Variants in GABRA4 observed in about 807,000 individuals in gnomAD.
GABRA4 encodes the protein gamma-aminobutyric acid type A receptor subunit alpha4.
GABRA4 carries 12 observed loss-of-function variants against 49.7 expected under a neutral mutation model. The ratio of observed to expected loss-of-function variants is 0.24; its 90% CI spans 0.15 to 0.39. GABRA4 has a LOEUF of 0.39. Ranked by LOEUF, GABRA4 falls within the 10% of genes least tolerant of loss-of-function variation. The probability of loss-of-function intolerance (pLI) is 1.00; values close to 1 mark genes in which losing one functional copy is unlikely to be tolerated. For missense variants in GABRA4, 506 were observed against 686.0 expected (o/e 0.74, Z 2.93); for synonymous variants, 288 against 240.2 (o/e 1.20, Z -1.84).
intron 8 of GABRA4, among the ~76,000 whole-genome samples, chr4:46,963,834 C>A (rs560859029): frequency 6.6e-6 from 1 of 151,806 alleles, no homozygotes; most frequent in African/African-American, 2.4e-5. Context: ...AGTACAACCA[C>A]TATGGAGAAC....
rs1433186292 is a variant in GABRA4, at chr4:46,927,194, G to A, written c.*1031C>T. 6.6e-6 allele frequency: 1 copy of A among 152,240 alleles called. No individual in the cohort carries two copies. The highest frequency in any genetic ancestry group is 2.4e-5 in the African/African-American group (1 of 41,386). 9.4% of individuals were successfully genotyped at this position (152,240 alleles called of 1,614,324 possible). A position where few individuals can be genotyped will look rare whatever the true frequency, so the allele number is the denominator to read the frequency against. On this transcript the variant is annotated 3_prime_UTR_variant, in exon 9 of 9. Transcript: ENST00000264318. ...TGATTTTTACTTTCAAGTACATAAT[G>A]CTTTTCACTTATAGAACAATCTGTA...
At chr4:46,975,662 G>A (rs1723116315) in intron 5 of GABRA4, among the ~76,000 whole-genome samples, 1 of 151,844 alleles carries the variant, frequency 6.6e-6, no homozygotes, top group Non-Finnish European at 1.5e-5. Context: ...TACAAACCCT[G>A]ATTGAACACG....
chr4:46,948,186 A>G (rs1212990124), intron 8 of GABRA4, among the ~76,000 whole-genome samples: 2 of 152,104 alleles, frequency 1.3e-5, no homozygotes, highest in Admixed American at 6.6e-5. Flanking sequence ...AACCTGGTAG[A>G]CCTAGACTTT....
At chr4:46,947,224 G>A (rs758659886) in intron 8 of GABRA4, among the ~76,000 whole-genome samples, 8 of 151,752 alleles carry the variant, frequency 5.3e-5, no homozygotes, top group East Asian at 3.9e-4. Flanking sequence ...GATAATGTTC[G>A]CTGTGAACTG....
At chr4:46,934,637 T>G (rs1418488126) in intron 8 of GABRA4, among the ~76,000 whole-genome samples, 1 of 152,214 alleles carries the variant, frequency 6.6e-6, no homozygotes, top group African/African-American at 2.4e-5. Flanking sequence ...CCATTTGGGA[T>G]TACCAGAAAA....
rs1721041775 is a variant in GABRA4, at chr4:46,921,685, G to A, written c.*6540C>T. The A allele has an allele frequency of 1.3e-5, 2 of 151,866 alleles. No homozygotes were observed. The highest frequency in any genetic ancestry group is 2.4e-5 in the African/African-American group (1 of 41,344). The allele number at this position is 151,866 out of a possible 1,614,324, so 9.4% of individuals were successfully genotyped here. ...ACTCTGGTCAATCCCTGGTCTATTG[G>A]AAGTGCAAATAACATATGGTGACTC... On this transcript the variant is annotated 3_prime_UTR_variant, in exon 9 of 9. Coordinates refer to ENST00000264318, the MANE Select transcript of GABRA4 (RefSeq NM_000809.4).
At chr4:46,974,097 C>T (rs1234350547) in intron 6 of GABRA4, 135 bp downstream of exon 6, 3 of 715,100 alleles carry the variant, frequency 4.2e-6, no homozygotes, top group African/African-American at 1.8e-5. Context: ...TGAGCTATAA[C>T]TCATGCATCA....
chr4:46,984,303 A>G (rs1723461488), intron 2 of GABRA4, among the ~76,000 whole-genome samples: 1 of 152,086 alleles, frequency 6.6e-6, no homozygotes, highest in African/African-American at 2.4e-5. Flanking sequence ...CATATCTCCA[A>G]AAATGAAGAC....
At chr4:46,975,488 T>C (rs1723107635) in intron 5 of GABRA4, among the ~76,000 whole-genome samples, 1 of 151,996 alleles carries the variant, frequency 6.6e-6, no homozygotes. Context: ...TCCTGGTTTT[T>C]CTAATTCCTC....
In GABRA4 at chr4:46,920,073, T is replaced by A. The variant is rs566154516; in HGVS notation, c.*8152A>T. On this transcript the variant is annotated 3_prime_UTR_variant, in exon 9 of 9. Coordinates refer to ENST00000264318, the MANE Select transcript of GABRA4 (RefSeq NM_000809.4). Reference sequence around the variant, plus strand: ...AACATGCTGCACTGTGTTAGCAACATCTGTAAAGACAAAATGTAGACTATA... The same window carrying A: ...AACATGCTGCACTGTGTTAGCAACAACTGTAAAGACAAAATGTAGACTATA... 2.0e-5 allele frequency: 3 copies of A among 151,698 alleles called. No individual in the cohort carries two copies. The East Asian group carries it at 5.8e-4, about 29-fold the overall frequency. The allele number at this position is 151,698 out of a possible 1,614,324, so 9.4% of individuals were successfully genotyped here.
intron 8 of GABRA4, among the ~76,000 whole-genome samples, chr4:46,944,596 T>G (rs1381607629): frequency 1.3e-5 from 2 of 152,154 alleles, no homozygotes; most frequent in Non-Finnish European, 2.9e-5. Context: ...TCTAGAAATG[T>G]GAGCCATTTT....
intron 8 of GABRA4, among the ~76,000 whole-genome samples, chr4:46,937,622 A>G (rs1305192519): frequency 6.6e-6 from 1 of 152,194 alleles, no homozygotes; most frequent in African/African-American, 2.4e-5. Context: ...GACAAGAATT[A>G]AGCATTAATT....
intron 5 of GABRA4, among the ~76,000 whole-genome samples, chr4:46,975,146 A>G (rs1470993340): frequency 6.6e-6 from 1 of 151,982 alleles, no homozygotes; most frequent in Non-Finnish European, 1.5e-5. Flanking sequence ...CTTGGCTCAC[A>G]CACAAGTAAG....
At chr4:46,948,867 T>C (rs189703394) in intron 8 of GABRA4, among the ~76,000 whole-genome samples, 1 of 152,250 alleles carries the variant, frequency 6.6e-6, no homozygotes, top group Non-Finnish European at 1.5e-5. Context: ...ATTTCACCTC[T>C]CACCTTCATA....
At chr4:46,940,352 T>C (rs376032054) in intron 8 of GABRA4, among the ~76,000 whole-genome samples, 2 of 152,092 alleles carry the variant, frequency 1.3e-5, no homozygotes, top group African/African-American at 4.8e-5. Flanking sequence ...CTCTATCTCT[T>C]GTTTCTGATT....
At chr4:46,960,256 C>T (rs1722525269) in intron 8 of GABRA4, among the ~76,000 whole-genome samples, 1 of 151,496 alleles carries the variant, frequency 6.6e-6, no homozygotes, top group Non-Finnish European at 1.5e-5. Flanking sequence ...TGTGTCTTTA[C>T]ATGTTGAATA....
At chr4:46,943,904 A>T (rs1166964248) in intron 8 of GABRA4, among the ~76,000 whole-genome samples, 2 of 152,116 alleles carry the variant, frequency 1.3e-5, no homozygotes, top group Non-Finnish European at 2.9e-5. Context: ...TAGGGTATCC[A>T]TCTCCCAAAT....
At chr4:46,971,454 A>G (rs566031229) in intron 6 of GABRA4, among the ~76,000 whole-genome samples, 2 of 151,692 alleles carry the variant, frequency 1.3e-5, no homozygotes, top group East Asian at 3.9e-4. Flanking sequence ...TGTAATGATT[A>G]AGCAATTTAA....
At chr4:46,968,179 C>A (rs7698023) in intron 7 of GABRA4, among the ~76,000 whole-genome samples, 78,564 of 151,154 alleles carry the variant, frequency 0.52, 20,716 homozygotes, top group East Asian at 0.7. Context: ...ATGAAAATAG[C>A]TTGCTAATTT....
Sources: allele counts gnomAD v4.1 joint callset (sites outside exome capture counted in the v4.1 genomes callset), GRCh38; gene constraint gnomAD v4.1.1; transcripts MANE v1.5; gene names NCBI Gene and HGNC (gene_info 2026-07-23, HGNC 2026-07-21).